NRG1: variants seen among roughly 807,000 people sequenced by gnomAD.
NRG1 encodes the protein neuregulin 1, also known as pro-neuregulin-1, membrane-bound isoform.
A neutral mutation model predicts 63.8 loss-of-function variants in NRG1; 18 were observed. That is an observed-to-expected ratio of 0.28 (90% CI 0.19 to 0.42). NRG1 has a LOEUF of 0.42. NRG1 is among the 10% of genes least tolerant of loss of function. NRG1 has a pLI of 1.00. For missense variants in NRG1, 762 were observed against 814.7 expected (o/e 0.94, Z 0.79); for synonymous variants, 302 against 301.3 (o/e 1.00, Z -0.02).
chr8:32,236,673 C>T (rs753048954), intron 1 of NRG1, among the ~76,000 whole-genome samples: 1 of 152,186 alleles, frequency 6.6e-6, no homozygotes, highest in Non-Finnish European at 1.5e-5. Context: ...ATTTCAGCTC[C>T]TCTTCATGGG....
chr8:32,708,654 A>G (rs1224186877), intron 5 of NRG1, among the ~76,000 whole-genome samples: 1 of 152,202 alleles, frequency 6.6e-6, no homozygotes, highest in Non-Finnish European at 1.5e-5. Flanking sequence ...AATAATACAG[A>G]ATTTACAGGT....
chr8:32,080,859 A>G (rs1363524752), intron 1 of NRG1, among the ~76,000 whole-genome samples: 1 of 151,710 alleles, frequency 6.6e-6, no homozygotes, highest in Non-Finnish European at 1.5e-5. Context: ...TTGGCTCACA[A>G]TTATGGAGAC....
intron 1 of NRG1, among the ~76,000 whole-genome samples, chr8:32,188,425 A>G (rs1347166043): frequency 1.3e-5 from 2 of 152,174 alleles, no homozygotes; most frequent in Non-Finnish European, 2.9e-5. Flanking sequence ...AATAATGACA[A>G]GACATGCTCC....
chr8:32,711,251 A>G (rs182427754), intron 5 of NRG1, among the ~76,000 whole-genome samples: 9 of 151,098 alleles, frequency 6.0e-5, no homozygotes, highest in Non-Finnish European at 8.8e-5. Context: ...CAACTGTGAG[A>G]AAGAGAAAGT....
intron 1 of NRG1, among the ~76,000 whole-genome samples, chr8:32,474,348 G>T (rs549393506): frequency 6.6e-6 from 1 of 152,234 alleles, no homozygotes; most frequent in Non-Finnish European, 1.5e-5. Context: ...TCCATTAGAA[G>T]GCAGATGGTG....
intron 1 of NRG1, among the ~76,000 whole-genome samples, chr8:31,822,452 C>T (rs1475039828): frequency 1.3e-5 from 2 of 152,104 alleles, no homozygotes; most frequent in Admixed American, 6.6e-5. Context: ...CTTCTGCTCA[C>T]AGTCTGTTGA....
At chr8:32,568,975 AAG>A (rs1837998825) in intron 1 of NRG1, among the ~76,000 whole-genome samples, 1 of 151,864 alleles carries the variant, frequency 6.6e-6, no homozygotes, top group Non-Finnish European at 1.5e-5. Flanking sequence ...AAAAAAAAAA[AAG>A]TTTTTCAGAC....
intron 1 of NRG1, among the ~76,000 whole-genome samples, chr8:32,257,056 C>G (rs117087774): frequency 6.6e-6 from 1 of 152,154 alleles, no homozygotes. Flanking sequence ...CTGCCAAGTA[C>G]GAACTTCTTG....
chr8:32,224,460 A>G (rs147772723), intron 1 of NRG1, among the ~76,000 whole-genome samples: 1 of 152,214 alleles, frequency 6.6e-6, no homozygotes, highest in South Asian at 2.1e-4. Flanking sequence ...ACTTAGAACT[A>G]TCTGAGGATC....
rs1335774294 is a variant in NRG1, at chr8:32,588,774, G to A, written c.101-7054G>A. On this transcript the variant is annotated intron_variant, in intron 1 of 11. Coordinates refer to ENST00000356819, the Ensembl canonical transcript of NRG1. ...GGTTGGATTTAGTTTGCTGCCAGTGGTAAAGAGAGTCAGCTTGAGAATATA... is the reference window on the plus strand; with the variant it reads ...GGTTGGATTTAGTTTGCTGCCAGTGATAAAGAGAGTCAGCTTGAGAATATA... 2.0e-5 allele frequency among the ~76,000 whole-genome samples: 3 copies of A among 152,122 alleles called. No homozygotes were observed. In the South Asian group the frequency reaches 6.2e-4, roughly 32 times the overall value.
At chr8:31,928,038 A>G (rs1443246828) in intron 1 of NRG1, among the ~76,000 whole-genome samples, 1 of 149,260 alleles carries the variant, frequency 6.7e-6, no homozygotes, top group East Asian at 2.0e-4. Flanking sequence ...TGTTTTTATT[A>G]TGCAAATTTC....
intron 1 of NRG1, among the ~76,000 whole-genome samples, chr8:31,867,911 T>G (rs927817435): frequency 6.6e-6 from 1 of 152,146 alleles, no homozygotes; most frequent in African/African-American, 2.4e-5. Context: ...GAAGGTATAT[T>G]GTAAAAGATA....
chr8:31,844,684 G>A (rs925220625), intron 1 of NRG1, among the ~76,000 whole-genome samples: 1 of 152,092 alleles, frequency 6.6e-6, no homozygotes, highest in Admixed American at 6.5e-5. Flanking sequence ...CATCTGTGAA[G>A]GTAGATAATA....
chr8:31,947,306 C>CAAAAAAAAAAAAAAAAA (rs61713691), intron 1 of NRG1, among the ~76,000 whole-genome samples: 30 of 132,682 alleles, frequency 2.3e-4, no homozygotes, highest in African/African-American at 8.0e-4. Flanking sequence ...GACTCCGTCT[C>CAAAAAAAAAAAAAAAAA]AAAAAAAAAA....
chr8:32,275,053 G>A (rs116418097), intron 1 of NRG1, among the ~76,000 whole-genome samples: 1 of 152,170 alleles, frequency 6.6e-6, no homozygotes, highest in African/African-American at 2.4e-5. Context: ...ACAGCCAGAT[G>A]CTTGCATTTG....
At chr8:32,696,318 A>G (rs1813286257) in intron 5 of NRG1, among the ~76,000 whole-genome samples, 2 of 152,188 alleles carry the variant, frequency 1.3e-5, no homozygotes, top group South Asian at 4.1e-4. Context: ...AAATTATATT[A>G]CTGGTAGAAA....
At chr8:31,757,867 T>A (rs929018903) in intron 1 of NRG1, among the ~76,000 whole-genome samples, 1 of 152,112 alleles carries the variant, frequency 6.6e-6, no homozygotes, top group Non-Finnish European at 1.5e-5. Flanking sequence ...AGATGAATTC[T>A]GTCATTCTAG....
chr8:32,510,955 CTT>C (rs60629097), intron 1 of NRG1, among the ~76,000 whole-genome samples: 7,064 of 125,508 alleles, frequency 0.056, 137 homozygotes, highest in Middle Eastern at 0.093. Flanking sequence ...TCTTTCTTTC[CTT>C]TTTTTTTTTT....
chr8:32,426,999 T>C (rs777406276), intron 1 of NRG1, among the ~76,000 whole-genome samples: 3 of 152,072 alleles, frequency 2.0e-5, no homozygotes, highest in African/African-American at 7.2e-5. Flanking sequence ...TTTTTTTTTT[T>C]ATCATTCCTT....
Sources: gnomAD v4.1 joint callset for allele counts (sites outside exome capture counted in the v4.1 genomes callset) on GRCh38, gnomAD v4.1.1 for gene constraint, MANE v1.5 for transcripts, NCBI Gene and HGNC (gene_info 2026-07-23, HGNC 2026-07-21) for gene names.